SPAG16: variants seen among roughly 807,000 people sequenced by gnomAD.
SPAG16 encodes sperm associated antigen 16.
In SPAG16, 86 loss-of-function variants were observed where a neutral mutation model predicts 80.4. The ratio of observed to expected loss-of-function variants is 1.07; its 90% CI spans 0.90 to 1.28. The LOEUF is 1.28. SPAG16 is among the 50% of genes most tolerant of loss of function. The probability of loss-of-function intolerance (pLI) is 0.00; values close to 1 mark genes in which losing one functional copy is unlikely to be tolerated. For synonymous variants in SPAG16, 294 were observed against 265.9 expected, an observed-to-expected ratio of 1.11 and a Z score of -1.03; for missense variants, 870 against 765.3, an observed-to-expected ratio of 1.14 and a Z score of -1.61.
At chr2:213,292,524 C>T (rs961601566) in intron 1 of SPAG16, among the ~76,000 whole-genome samples, 26 of 150,586 alleles carry the variant, frequency 1.7e-4, no homozygotes, top group Non-Finnish European at 3.1e-4. Flanking sequence ...ATTAGCCGGG[C>T]GTAGTGGCGG....
intron 15 of SPAG16, among the ~76,000 whole-genome samples, chr2:214,304,284 A>G (rs187531843): frequency 4.7e-4 from 71 of 152,322 alleles, no homozygotes; most frequent in African/African-American, 1.6e-3. Flanking sequence ...GCACTGTGAC[A>G]TGTTCTTGAT....
At chr2:213,576,962 A>G (rs1464372756) in intron 10 of SPAG16, among the ~76,000 whole-genome samples, 1 of 152,074 alleles carries the variant, frequency 6.6e-6, no homozygotes, top group Non-Finnish European at 1.5e-5. Context: ...CATAGGTTAC[A>G]TAGGTAAACT....
intron 5 of SPAG16, chr2:213,317,805 A>T: frequency 2.3e-6 from 2 of 867,382 alleles, no homozygotes; most frequent in Non-Finnish European, 2.8e-6. Flanking sequence ...TGATAATGAT[A>T]TGTAGGTTCG....
intron 15 of SPAG16, among the ~76,000 whole-genome samples, chr2:214,350,880 A>G (rs1416216896): frequency 6.6e-6 from 1 of 152,200 alleles, no homozygotes; most frequent in Non-Finnish European, 1.5e-5. Context: ...AAATGAATCC[A>G]TGAAAAGAAA....
At chr2:213,816,279 C>T (rs560930624) in intron 10 of SPAG16, among the ~76,000 whole-genome samples, 1 of 152,078 alleles carries the variant, frequency 6.6e-6, no homozygotes, top group Non-Finnish European at 1.5e-5. Context: ...TATAAGAATG[C>T]TTTTATATGA....
intron 9 of SPAG16, among the ~76,000 whole-genome samples, chr2:213,380,301 G>A (rs558455548): frequency 5.1e-4 from 78 of 152,286 alleles, no homozygotes; most frequent in Non-Finnish European, 9.6e-4. Context: ...TCAACTTTCG[G>A]ATGGTGCCTG....
chr2:214,243,481 A>T, intron 15 of SPAG16, among the ~76,000 whole-genome samples: 1 of 152,060 alleles, frequency 6.6e-6, no homozygotes. Context: ...TAAATCATTA[A>T]TTAATCTCAT....
chr2:214,345,222 G>A (rs1478354913), intron 15 of SPAG16, among the ~76,000 whole-genome samples: 1 of 152,010 alleles, frequency 6.6e-6, no homozygotes, highest in Non-Finnish European at 1.5e-5. Flanking sequence ...GATTTTGACA[G>A]CTTTTTGCAA....
rs372443697 is a variant in SPAG16, at chr2:214,337,121, C to T, written c.1721-73019C>T. ...TGGAACTTCTAAGAAATCATGGTGC[C>T]AATCCTTTCTGTATGAATAATTGCT... On this transcript the variant is annotated intron_variant, in intron 15 of 15. Coordinates refer to ENST00000331683, the MANE Select transcript of SPAG16 (RefSeq NM_024532.5). Among the ~76,000 whole-genome samples the T allele has an allele frequency of 1.2e-3, 179 of 151,524 alleles. 1 individual carries two copies. Among genetic ancestry groups the T allele is most frequent in the African/African-American group, 4.2e-3 (173 of 41,448 alleles).
chr2:213,400,833 G>T (rs1418480837), intron 9 of SPAG16, among the ~76,000 whole-genome samples: 1 of 151,800 alleles, frequency 6.6e-6, no homozygotes, highest in Non-Finnish European at 1.5e-5. Context: ...TTGAGACAGG[G>T]TGTCACTCTG....
At chr2:213,765,776 G>T (rs1025092895) in intron 10 of SPAG16, among the ~76,000 whole-genome samples, 2 of 152,130 alleles carry the variant, frequency 1.3e-5, no homozygotes, top group African/African-American at 4.8e-5. Flanking sequence ...TACTAGGGGG[G>T]TTCTGTTTTT....
intron 12 of SPAG16, among the ~76,000 whole-genome samples, chr2:214,012,756 C>T (rs1048115756): frequency 9.2e-5 from 14 of 152,084 alleles, no homozygotes; most frequent in Non-Finnish European, 7.4e-5. Flanking sequence ...TGGTATTGCT[C>T]TATGTATACT....
chr2:213,930,562 G>C (rs896905240), intron 12 of SPAG16, among the ~76,000 whole-genome samples: 1 of 152,038 alleles, frequency 6.6e-6, no homozygotes, highest in Non-Finnish European at 1.5e-5. Context: ...TTTTCTTTAT[G>C]CTTAATTTGT....
intron 8 of SPAG16, among the ~76,000 whole-genome samples, chr2:213,372,259 A>G (rs887066387): frequency 6.6e-6 from 1 of 152,112 alleles, no homozygotes; most frequent in African/African-American, 2.4e-5. Flanking sequence ...CCAGATCATA[A>G]TGATACATAT....
intron 12 of SPAG16, among the ~76,000 whole-genome samples, chr2:213,985,745 C>T (rs775608587): frequency 1.3e-5 from 2 of 151,954 alleles, no homozygotes; most frequent in African/African-American, 2.4e-5. Flanking sequence ...ATGGAGTACG[C>T]AAATGGTAAT....
rs759851188 is a variant in SPAG16 at position 214,410,217 on chromosome 2, A to G, written c.1798A>G (p.Met600Val). 1.2e-6 allele frequency: 2 copies of G among 1,613,678 alleles called. No individual in the cohort carries two copies. Among genetic ancestry groups the G allele is most frequent in the African/African-American group, 1.3e-5 (1 of 75,028 alleles). The change falls in exon 16 of 16, where the codon ATG becomes GTG. Residue 600 changes from methionine (M) to valine (V), a missense_variant. By Grantham distance (21) the Met-to-Val change is conservative. Transcript: ENST00000331683. ...DLKSGEIHKL[M>V]GHENEAHTVV... ...TAAATCTGGGGAGATTCACAAATTGATGGGCCACGAAAACGAGGCACACAC... is the reference window on the plus strand; with the variant it reads ...TAAATCTGGGGAGATTCACAAATTGGTGGGCCACGAAAACGAGGCACACAC...
chr2:213,926,724 G>A (rs1449040843), intron 11 of SPAG16, among the ~76,000 whole-genome samples: 1 of 151,348 alleles, frequency 6.6e-6, no homozygotes, highest in Non-Finnish European at 1.5e-5. Flanking sequence ...GTTATATTTT[G>A]TACCCTTTAA....
At chr2:213,581,396 T>A (rs982728517) in intron 10 of SPAG16, among the ~76,000 whole-genome samples, 13 of 152,052 alleles carry the variant, frequency 8.5e-5, no homozygotes, top group African/African-American at 2.9e-4. Context: ...TTAAAATTTT[T>A]TTTGTAGAGA....
chr2:213,442,914 A>G (rs1278388485), intron 9 of SPAG16, among the ~76,000 whole-genome samples: 1 of 152,196 alleles, frequency 6.6e-6, no homozygotes, highest in Admixed American at 6.5e-5. Context: ...AATTGATTAA[A>G]ATTAAAATAT....
Sources: allele counts gnomAD v4.1 joint callset (sites outside exome capture counted in the v4.1 genomes callset), GRCh38; gene constraint gnomAD v4.1.1; transcripts MANE v1.5; gene names NCBI Gene and HGNC (gene_info 2026-07-23, HGNC 2026-07-21).